The following KREMEN1 variants were observed in gnomAD, a reference collection of about 807,000 sequenced individuals.
KREMEN1 encodes kremen protein 1.
KREMEN1 carries 30 observed loss-of-function variants against 46.5 expected under a neutral mutation model. That is an observed-to-expected ratio of 0.65 (90% CI 0.48 to 0.88). The LOEUF is 0.88. Ranked by LOEUF, KREMEN1 falls within the 40% of genes least tolerant of loss-of-function variation. KREMEN1 has a pLI of 0.00. For missense variants in KREMEN1, 533 were observed against 596.9 expected (o/e 0.89, Z 1.11); for synonymous variants, 214 against 230.6 (o/e 0.93, Z 0.65).
chr22:29,138,989 C>T (rs1381159880), intron 7 of KREMEN1, among the ~76,000 whole-genome samples: 1 of 152,210 alleles, frequency 6.6e-6, no homozygotes, highest in Admixed American at 6.5e-5. Context: ...AAAGTGCTCA[C>T]CTCCAAAAAT....
chr22:29,073,290 C>T lies in KREMEN1; in HGVS notation c.97+63C>T, dbSNP rs566290944. 2 of 728,240 alleles carry T rather than the reference C, an allele frequency of 2.7e-6. No individual in the cohort carries two copies. The highest frequency in any genetic ancestry group is 1.0e-4 in the Admixed American group (2 of 19,804). 45.1% of individuals were successfully genotyped at this position (728,240 alleles called of 1,614,324 possible). Reference sequence around the variant, plus strand: ...GAGCCCACTCGAGGGGCGACAAGGGCCGGCCGGCCTGAGAGCCCCCTCCCT... The same window carrying T: ...GAGCCCACTCGAGGGGCGACAAGGGTCGGCCGGCCTGAGAGCCCCCTCCCT... On this transcript the variant is annotated intron_variant, in intron 1 of 8. Coordinates refer to ENST00000400335, the MANE Select transcript of KREMEN1 (RefSeq NM_001039570.3). This position sits in a 1 kb window ranked among gnomAD's most constrained non-coding sequence, Gnocchi z 4.4.
At chr22:29,103,239 C>T (rs1372888134) in intron 3 of KREMEN1, among the ~76,000 whole-genome samples, 1 of 152,086 alleles carries the variant, frequency 6.6e-6, no homozygotes, top group Non-Finnish European at 1.5e-5. Flanking sequence ...TGATCAGATT[C>T]CTGGAAAGTT....
Position 29,142,131 on chromosome 22 carries a change from G to T in KREMEN1, c.*19G>T. On this transcript the variant is annotated 3_prime_UTR_variant, in exon 9 of 9. Coordinates refer to ENST00000400335, the MANE Select transcript of KREMEN1 (RefSeq NM_001039570.3). ...TGACTAAAAACCCCACTGTGCCTAG[G>T]ACTTGAGGTCCCTCTTTGAGCTCAA... 1 of 1,549,394 alleles carries T rather than the reference G, an allele frequency of 6.5e-7. No homozygotes were observed. Among genetic ancestry groups the T allele is most frequent in the South Asian group, 1.2e-5 (1 of 80,990 alleles).
exon 10 of KREMEN1, chr22:29,167,560 C>T (rs2039064124): frequency 6.3e-6 from 1 of 159,968 alleles, no homozygotes; most frequent in African/African-American, 2.4e-5. Flanking sequence ...GAAGGAGGGA[C>T]TTCCCACCGG....
chr22:29,162,396 C>T (rs962742765), intron 9 of KREMEN1, among the ~76,000 whole-genome samples: 3 of 137,234 alleles, frequency 2.2e-5, no homozygotes, highest in African/African-American at 9.6e-5. Context: ...AATAGGCAAA[C>T]ACTGAAGCAT....
chr22:29,088,988 T>A (rs2145752705), intron 1 of KREMEN1, among the ~76,000 whole-genome samples: 1 of 152,272 alleles, frequency 6.6e-6, no homozygotes, highest in South Asian at 2.1e-4. Context: ...TTTTCCTAGC[T>A]TTTCTCCTAC....
chr22:29,142,271 C>T lies in KREMEN1; in HGVS notation c.*159C>T, dbSNP rs1056083085. On this transcript the variant is annotated 3_prime_UTR_variant, in exon 9 of 9. Coordinates refer to ENST00000400335, the MANE Select transcript of KREMEN1 (RefSeq NM_001039570.3). ...CTCCTACAGACTAGGAAGAGGCACC[C>T]TGCTGCCAGGGCAGGCAGAGCCTGG... 4.5e-6 allele frequency: 6 copies of T among 1,336,170 alleles called. No individual in the cohort carries two copies. In the African/African-American group the frequency reaches 7.5e-5, roughly 17 times the overall value. The allele number at this position is 1,336,170 out of a possible 1,614,324, so 82.8% of individuals were successfully genotyped here.
At chr22:29,133,644 TTGTC>T (rs2038603973) in intron 5 of KREMEN1, among the ~76,000 whole-genome samples, 3 of 144,762 alleles carry the variant, frequency 2.1e-5, no homozygotes, top group Admixed American at 6.8e-5. Flanking sequence ...TGTGTCTTCT[TTGTC>T]TGTTTTTTTT....
At chr22:29,118,901 ACAAG>A (rs2038286836) in intron 3 of KREMEN1, among the ~76,000 whole-genome samples, 2 of 152,152 alleles carry the variant, frequency 1.3e-5, no homozygotes, top group African/African-American at 2.4e-5. Flanking sequence ...ACTCAGTCCC[ACAAG>A]ACTGCCCCCC....
At chr22:29,110,655 G>C (rs1309382182) in intron 3 of KREMEN1, among the ~76,000 whole-genome samples, 1 of 152,206 alleles carries the variant, frequency 6.6e-6, no homozygotes, top group Non-Finnish European at 1.5e-5. Context: ...ATTTATTTGG[G>C]GGTGTTGCTG....
intron 6 of KREMEN1, among the ~76,000 whole-genome samples, 198 bp from the exon 7 acceptor site, chr22:29,138,426 C>G (rs1038857057): frequency 6.6e-6 from 1 of 152,222 alleles, no homozygotes; most frequent in African/African-American, 2.4e-5. Flanking sequence ...GTGAAGTTGA[C>G]AGGTTCATCC....
At chr22:29,089,867 G>T (rs942173375) in intron 1 of KREMEN1, among the ~76,000 whole-genome samples, 1 of 152,136 alleles carries the variant, frequency 6.6e-6, no homozygotes, top group Non-Finnish European at 1.5e-5. Context: ...CACACCTGCC[G>T]CCTCGTTCAC....
rs1267414203 is a variant in KREMEN1 at position 29,143,826 on chromosome 22, G to A, written c.*1714G>A. On this transcript the variant is annotated 3_prime_UTR_variant, in exon 9 of 9. Transcript: ENST00000400335. ...AGTGGGGTTAGGAATGGCTCAGTGG[G>A]GAAGGAGAGCACTCTTGTCCCCAGT... 1 of 985,392 alleles carries A rather than the reference G, an allele frequency of 1.0e-6. No homozygotes were observed. The highest frequency in any genetic ancestry group is 1.7e-5 in the African/African-American group (1 of 57,208). The allele number at this position is 985,392 out of a possible 1,614,324, so 61.0% of individuals were successfully genotyped here. A position where few individuals can be genotyped will look rare whatever the true frequency, so the allele number is the denominator to read the frequency against.
chr22:29,162,322 C>T (rs1303514584), intron 9 of KREMEN1, among the ~76,000 whole-genome samples: 5 of 152,072 alleles, frequency 3.3e-5, no homozygotes, highest in African/African-American at 4.8e-5. Context: ...AACTAGGCAT[C>T]GAAGGAATGT....
chr22:29,117,889 A>G (rs1395957546), intron 3 of KREMEN1, among the ~76,000 whole-genome samples: 2 of 152,328 alleles, frequency 1.3e-5, no homozygotes, highest in East Asian at 3.9e-4. Context: ...TTGCTGCCTA[A>G]CAAATTACCT....
At chr22:29,129,681 C>T (rs1399935028) in intron 5 of KREMEN1, among the ~76,000 whole-genome samples, 1 of 152,146 alleles carries the variant, frequency 6.6e-6, no homozygotes, top group East Asian at 1.9e-4. Context: ...AGTACTCAGG[C>T]TGTGTTTGCT....
At chr22:29,115,247 C>T (rs1044204251) in intron 3 of KREMEN1, among the ~76,000 whole-genome samples, 5 of 152,124 alleles carry the variant, frequency 3.3e-5, no homozygotes, top group East Asian at 1.9e-4. Context: ...GATGCAAAGG[C>T]GTAAGAATGA....
At chr22:29,098,532 A>T (rs1392527675) in intron 2 of KREMEN1, among the ~76,000 whole-genome samples, 3 of 152,138 alleles carry the variant, frequency 2.0e-5, no homozygotes, top group African/African-American at 7.2e-5. Context: ...TCAGCCTTGG[A>T]ATCTCCATGC....
intron 4 of KREMEN1, 78 bp downstream of exon 4, chr22:29,121,559 G>A: frequency 2.0e-6 from 3 of 1,505,906 alleles, no homozygotes; most frequent in Admixed American, 3.5e-5. Context: ...TTAAAAATAA[G>A]TGCTAAGTAA....
Sources: gnomAD v4.1 joint callset for allele counts (sites outside exome capture counted in the v4.1 genomes callset) on GRCh38, gnomAD v4.1.1 for gene constraint, Gnocchi (gnomAD v3.1) non-coding constraint, MANE v1.5 for transcripts, NCBI Gene and HGNC (gene_info 2026-07-23, HGNC 2026-07-21) for gene names.